The following FHIT variants were observed in gnomAD, a reference collection of about 807,000 sequenced individuals.
FHIT encodes the protein fragile histidine triad diadenosine triphosphatase, also known as bis(5'-adenosyl)-triphosphatase.
Under a neutral mutation model 17.9 loss-of-function variants are expected in FHIT, and 19 were observed. That is an observed-to-expected ratio of 1.06 (90% CI 0.74 to 1.56). The LOEUF is 1.56. Ranked by LOEUF, FHIT falls within the 40% of genes most tolerant of loss-of-function variation. FHIT has a pLI of 0.00. For missense variants in FHIT, 248 were observed against 189.2 expected (o/e 1.31, Z -1.82); for synonymous variants, 81 against 69.7 (o/e 1.16, Z -0.81).
At chr3:61,187,674 G>C (rs766409778) in intron 2 of FHIT, among the ~76,000 whole-genome samples, 2 of 152,088 alleles carry the variant, frequency 1.3e-5, no homozygotes, top group Admixed American at 1.3e-4. Flanking sequence ...TGACCACATA[G>C]TTGGAAGTAA....
chr3:60,569,961 ATCTATT>A (rs772856779), intron 4 of FHIT, among the ~76,000 whole-genome samples: 7 of 151,752 alleles, frequency 4.6e-5, no homozygotes, highest in Non-Finnish European at 1.0e-4. Context: ...ATGGTTTTTA[ATCTATT>A]TACCCAGTGG....
intron 5 of FHIT, among the ~76,000 whole-genome samples, chr3:60,250,900 G>A (rs1321448729): frequency 6.6e-6 from 1 of 152,116 alleles, no homozygotes; most frequent in Non-Finnish European, 1.5e-5. Context: ...AACTCCCACT[G>A]CCCTCACCAA....
Position 59,986,704 on chromosome 3 carries a change from A to ATATAAATATATAAATATATTTT in FHIT, c.279+24666_279+24667insAAAATATATTTATATATTTATA, listed in dbSNP as rs1708950125. ...TACATATTTAGTTTTATATATATTT[A>ATATAAATATATAAATATATTTT]TATAAATATATACATATATTTATAT... On this transcript the variant is annotated intron_variant, in intron 7 of 9. Transcript: ENST00000492590. 3.1e-5 allele frequency among the ~76,000 whole-genome samples: 2 copies of ATATAAATATATAAATATATTTT among 65,302 alleles called. 1 individual carries two copies. The highest frequency in any genetic ancestry group is 5.0e-5 in the Non-Finnish European group (2 of 39,968). The allele number at this position is 65,302 out of a possible 152,430, so 42.8% of individuals were successfully genotyped here.
At chr3:60,310,177 G>A (rs1402540304) in intron 5 of FHIT, among the ~76,000 whole-genome samples, 1 of 152,136 alleles carries the variant, frequency 6.6e-6, no homozygotes, top group Admixed American at 6.5e-5. Flanking sequence ...TGGATTTCAT[G>A]GATTTCAGGT....
intron 5 of FHIT, among the ~76,000 whole-genome samples, chr3:60,226,011 C>A (rs1412704204): frequency 6.6e-6 from 1 of 152,132 alleles, no homozygotes; most frequent in Non-Finnish European, 1.5e-5. Context: ...TAATACGAAT[C>A]ATGGGACTAA....
At chr3:60,558,114 G>A (rs2036805633) in intron 4 of FHIT, among the ~76,000 whole-genome samples, 1 of 152,058 alleles carries the variant, frequency 6.6e-6, no homozygotes, top group African/African-American at 2.4e-5. Context: ...ACTGCTACCT[G>A]TGTCGTCTTT....
intron 4 of FHIT, among the ~76,000 whole-genome samples, chr3:60,726,043 C>T (rs1372541233): frequency 6.6e-6 from 1 of 152,114 alleles, no homozygotes; most frequent in African/African-American, 2.4e-5. Context: ...ATAGCAAATT[C>T]TAACAAACAG....
At chr3:59,776,610 C>T (rs1282211904) in intron 8 of FHIT, among the ~76,000 whole-genome samples, 2 of 152,140 alleles carry the variant, frequency 1.3e-5, no homozygotes, top group Non-Finnish European at 2.9e-5. Context: ...TGACAGCAGC[C>T]TCCTAAATGG....
chr3:59,774,753 C>T (rs1702227943), intron 8 of FHIT, among the ~76,000 whole-genome samples: 1 of 152,192 alleles, frequency 6.6e-6, no homozygotes. Context: ...AAACAGCCCA[C>T]ACGTGAGATT....
intron 5 of FHIT, among the ~76,000 whole-genome samples, chr3:60,386,462 A>G (rs1289163297): frequency 1.3e-5 from 2 of 152,170 alleles, no homozygotes; most frequent in Non-Finnish European, 2.9e-5. Context: ...TGGTTATTGC[A>G]CCATCCACTT....
At chr3:59,779,948 A>G (rs1049396009) in intron 8 of FHIT, among the ~76,000 whole-genome samples, 10 of 152,228 alleles carry the variant, frequency 6.6e-5, no homozygotes, top group African/African-American at 2.4e-4. Context: ...TGGGAAAAGG[A>G]GTAAAATGGA....
At chr3:60,586,754 A>C (rs1281523443) in intron 4 of FHIT, among the ~76,000 whole-genome samples, 1 of 152,072 alleles carries the variant, frequency 6.6e-6, no homozygotes, top group African/African-American at 2.4e-5. Context: ...AGAAAACCAA[A>C]TACTGCATGA....
At chr3:59,988,347 A>G (rs1440500843) in intron 7 of FHIT, among the ~76,000 whole-genome samples, 2 of 152,034 alleles carry the variant, frequency 1.3e-5, no homozygotes, top group Non-Finnish European at 2.9e-5. Flanking sequence ...TTTGTTTGGT[A>G]TTTCTCTCAC....
intron 5 of FHIT, among the ~76,000 whole-genome samples, chr3:60,389,018 T>G (rs1032916778): frequency 6.6e-6 from 1 of 152,228 alleles, no homozygotes; most frequent in Non-Finnish European, 1.5e-5. Flanking sequence ...GTCGTCTGGC[T>G]GTAAGTTCCT....
rs1222820927 is a variant in FHIT at position 60,390,426 on chromosome 3, AAAC to A, written c.103+146431_103+146433del. On this transcript the variant is annotated intron_variant, in intron 5 of 9. Coordinates refer to ENST00000492590, the MANE Select transcript of FHIT (RefSeq NM_002012.4). ...AAAAAAAAAAAAAAAAAAAAAAAAA[AAAC>A]CCGTACCCTCTAGTATTTATTACAA... Among the ~76,000 whole-genome samples the A allele has an allele frequency of 6.6e-3, 21 of 3,160 alleles. 4 individuals carry two copies. The highest frequency in any genetic ancestry group is 6.9e-3 in the African/African-American group (15 of 2,188). 2.1% of individuals were successfully genotyped at this position (3,160 alleles called of 152,430 possible). A position where few individuals can be genotyped will look rare whatever the true frequency, so the allele number is the denominator to read the frequency against.
Position 60,421,564 on chromosome 3 carries a change from A to G in FHIT, c.103+115296T>C, listed in dbSNP as rs912861594. On this transcript the variant is annotated intron_variant, in intron 5 of 9. Transcript: ENST00000492590. ...GAAAATCATGATGCTGATATATGCA[A>G]TTATGCTATAAAGTATTATTTTATT... 2.0e-5 allele frequency among the ~76,000 whole-genome samples: 3 copies of G among 152,114 alleles called. No individual in the cohort carries two copies. In the East Asian group the frequency reaches 5.8e-4, roughly 29 times the overall value.
intron 4 of FHIT, among the ~76,000 whole-genome samples, chr3:60,712,343 C>T (rs1001881713): frequency 1.7e-4 from 26 of 152,040 alleles, no homozygotes; most frequent in African/African-American, 4.8e-5. Flanking sequence ...TAAAGACCAT[C>T]GAAACTAGGA....
At chr3:60,133,251 C>T (rs970622684) in intron 5 of FHIT, among the ~76,000 whole-genome samples, 1 of 152,150 alleles carries the variant, frequency 6.6e-6, no homozygotes, top group Admixed American at 6.5e-5. Context: ...CAGAGAAACT[C>T]CAAAGTTCTC....
chr3:59,813,027 C>A (rs1460763881), intron 8 of FHIT, among the ~76,000 whole-genome samples: 1 of 152,156 alleles, frequency 6.6e-6, no homozygotes, highest in Non-Finnish European at 1.5e-5. Context: ...CATATCTTTT[C>A]TGTGAGTTGT....
Sources: gnomAD v4.1 joint callset for allele counts (sites outside exome capture counted in the v4.1 genomes callset) on GRCh38, gnomAD v4.1.1 for gene constraint, MANE v1.5 for transcripts, NCBI Gene and HGNC (gene_info 2026-07-23, HGNC 2026-07-21) for gene names.